Variants in PHTF2 observed in about 807,000 individuals in gnomAD.
PHTF2 encodes the protein protein PHTF2.
Under a neutral mutation model 101.2 loss-of-function variants are expected in PHTF2, and 60 were observed. That is an observed-to-expected ratio of 0.59 (90% CI 0.48 to 0.73). The LOEUF (loss-of-function observed/expected upper bound fraction) is 0.73, where lower values mean the gene tolerates loss of function less well. Ranked by LOEUF, PHTF2 falls within the 30% of genes least tolerant of loss-of-function variation. The pLI is 0.00. For missense variants in PHTF2, 747 were observed against 908.7 expected, an observed-to-expected ratio of 0.82 and a Z score of 2.29; for synonymous variants, 311 against 307.3, an observed-to-expected ratio of 1.01 and a Z score of -0.13.
chr7:77,818,278 TA>T (rs879899120), intron 1 of PHTF2, among the ~76,000 whole-genome samples: 3 of 152,248 alleles, frequency 2.0e-5, no homozygotes, highest in African/African-American at 2.4e-5. Flanking sequence ...TAATCTCATT[TA>T]TTTTTGCTTT....
chr7:77,866,417 T>C (rs890271984), intron 3 of PHTF2, among the ~76,000 whole-genome samples: 4 of 152,164 alleles, frequency 2.6e-5, no homozygotes, highest in African/African-American at 4.8e-5. Flanking sequence ...GAAAATATCA[T>C]TTCTCAATTT....
intron 2 of PHTF2, among the ~76,000 whole-genome samples, chr7:77,841,113 T>C (rs1795844949): frequency 7.5e-6 from 1 of 132,940 alleles, no homozygotes; most frequent in Non-Finnish European, 1.6e-5. Flanking sequence ...AATCTCTCTC[T>C]CTGTCACCCA....
chr7:77,939,718 T>C (rs10486835), intron 13 of PHTF2, among the ~76,000 whole-genome samples: 3,812 of 152,238 alleles, frequency 0.025, 160 homozygotes, highest in African/African-American at 0.087. Context: ...GATCTCATTC[T>C]CTTTAATATT....
At chr7:77,808,612 A>C (rs1793172253) in intron 1 of PHTF2, among the ~76,000 whole-genome samples, 6 of 152,168 alleles carry the variant, frequency 3.9e-5, no homozygotes, top group African/African-American at 1.4e-4. Flanking sequence ...TATTCAACTG[A>C]AGACTTAAGG....
intron 2 of PHTF2, among the ~76,000 whole-genome samples, chr7:77,841,075 CTTTTTTTTT>C (rs57283892): frequency 1.3e-5 from 1 of 77,286 alleles, no homozygotes; most frequent in African/African-American, 6.7e-5. Context: ...AAAAAACAGA[CTTTTTTTTT>C]TTTTTTTTTT....
chr7:77,832,349 A>C (rs977068510), intron 1 of PHTF2, among the ~76,000 whole-genome samples: 25 of 152,190 alleles, frequency 1.6e-4, no homozygotes, highest in African/African-American at 6.0e-4. Context: ...CTTTCAAAAG[A>C]GTTTGAGCAT....
At chr7:77,932,243 CAGGT>C (rs780358955) in intron 12 of PHTF2, among the ~76,000 whole-genome samples, 3 of 151,888 alleles carry the variant, frequency 2.0e-5, no homozygotes, top group Admixed American at 6.6e-5. Flanking sequence ...CAGGAGAAAA[CAGGT>C]AGGGAAGAAT....
intron 1 of PHTF2, among the ~76,000 whole-genome samples, chr7:77,821,679 C>T (rs147061214): frequency 2.6e-5 from 4 of 151,948 alleles, no homozygotes; most frequent in Non-Finnish European, 4.4e-5. Context: ...CAGGGCTGCT[C>T]AGCCAGCCTG....
At chr7:77,836,269 G>T (rs1202820688) in intron 1 of PHTF2, among the ~76,000 whole-genome samples, 1 of 152,086 alleles carries the variant, frequency 6.6e-6, no homozygotes, top group African/African-American at 2.4e-5. Context: ...TCCCTTCCTG[G>T]ATAGCAGAGG....
intron 1 of PHTF2, among the ~76,000 whole-genome samples, chr7:77,823,042 C>A (rs1047584457): frequency 2.7e-5 from 4 of 150,614 alleles, no homozygotes; most frequent in Non-Finnish European, 5.9e-5. Context: ...GTAGCTGGGA[C>A]TACAGGCGCC....
At chr7:77,846,674 G>A (rs1037696320) in intron 2 of PHTF2, among the ~76,000 whole-genome samples, 2 of 143,412 alleles carry the variant, frequency 1.4e-5, no homozygotes, top group African/African-American at 2.6e-5. Context: ...TGCCTATCTC[G>A]CTCTGTCACT....
intron 3 of PHTF2, among the ~76,000 whole-genome samples, chr7:77,869,938 T>G (rs1458447483): frequency 6.6e-6 from 1 of 152,180 alleles, no homozygotes; most frequent in Non-Finnish European, 1.5e-5. Context: ...TGAATTGGAT[T>G]ATTTGTTTTT....
Position 77,868,250 on chromosome 7 carries a change from T to G in PHTF2, c.147+13416T>G, listed in dbSNP as rs1383351541. Among the ~76,000 whole-genome samples, 5 of 151,928 alleles carry G rather than the reference T, an allele frequency of 3.3e-5. No individual in the cohort carries two copies. The East Asian group carries it at 9.7e-4, about 29-fold the overall frequency. Reference sequence around the variant, plus strand: ...CTCCAACTCCTGAGCTCAAGCAGTCTTCCTGCCTTAGCCTCCCAAGTAGCT... The same window carrying G: ...CTCCAACTCCTGAGCTCAAGCAGTCGTCCTGCCTTAGCCTCCCAAGTAGCT... On this transcript the variant is annotated intron_variant, in intron 3 of 19. Transcript: ENST00000416283.
intron 9 of PHTF2, among the ~76,000 whole-genome samples, chr7:77,916,151 A>G (rs915268464): frequency 6.6e-6 from 1 of 152,164 alleles, no homozygotes; most frequent in Non-Finnish European, 1.5e-5. Context: ...TTTATCTTGC[A>G]TTCTGTTTAT....
chr7:77,852,090 A>G lies in PHTF2; in HGVS notation c.46-2643A>G, dbSNP rs1250767591. 3.3e-5 allele frequency among the ~76,000 whole-genome samples: 5 copies of G among 152,312 alleles called. No individual in the cohort carries two copies. In the South Asian group the frequency reaches 8.3e-4, roughly 25 times the overall value. ...GCCCAGGCTGCAGTGCAGTGGCACA[A>G]TCATAACTCACTGCAGCCTTGAATT... On this transcript the variant is annotated intron_variant, in intron 2 of 19. Coordinates refer to ENST00000416283, the Ensembl canonical transcript of PHTF2.
intron 3 of PHTF2, among the ~76,000 whole-genome samples, chr7:77,865,738 A>T (rs1253174235): frequency 6.6e-6 from 1 of 152,162 alleles, no homozygotes; most frequent in Non-Finnish European, 1.5e-5. Flanking sequence ...TGCTGTCAGG[A>T]GACAGTATTT....
At position 77,952,648 on chromosome 7, in the gene PHTF2, A is replaced by G. The variant is rs537544866; in HGVS notation, c.2211+936A>G. 9.8e-5 allele frequency among the ~76,000 whole-genome samples: 15 copies of G among 152,344 alleles called. No homozygotes were observed. The South Asian group carries it at 2.7e-3, about 27-fold the overall frequency. On this transcript the variant is annotated intron_variant, in intron 18 of 19. Coordinates refer to ENST00000416283, the Ensembl canonical transcript of PHTF2. ...TTTGCTTGACACATGTATATTGCCT[A>G]TCTTCAGAGTGTAGGCACTGTGTAG...
At chr7:77,811,007 G>A (rs1225210689) in intron 1 of PHTF2, among the ~76,000 whole-genome samples, 2 of 152,062 alleles carry the variant, frequency 1.3e-5, no homozygotes, top group African/African-American at 4.8e-5. Flanking sequence ...AGGTTCAGGC[G>A]ATTCTCCTGC....
At chr7:77,798,914 T>A (rs1019179889) in exon 1 of PHTF2, 1 of 152,620 alleles carries the variant, frequency 6.6e-6, no homozygotes, top group African/African-American at 2.4e-5. Context: ...GGCGCTAGCT[T>A]CGGAGTCTCC....
Sources: gnomAD v4.1 joint callset for allele counts (sites outside exome capture counted in the v4.1 genomes callset) on GRCh38, gnomAD v4.1.1 for gene constraint, MANE v1.5 for transcripts, NCBI Gene and HGNC (gene_info 2026-07-23, HGNC 2026-07-21) for gene names.